DNAH7: variants seen among roughly 807,000 people sequenced by gnomAD.
DNAH7 encodes the protein axonemal beta dynein heavy chain 7.
Under a neutral mutation model 444.6 loss-of-function variants are expected in DNAH7, and 397 were observed. The observed-to-expected ratio is 0.89, with a 90% confidence interval of 0.82 to 0.97. DNAH7 has a LOEUF of 0.97. Ranked by LOEUF, DNAH7 falls within the 50% of genes least tolerant of loss-of-function variation. The pLI is 0.00. For synonymous variants in DNAH7, 1,636 were observed against 1,624.4 expected, an observed-to-expected ratio of 1.01 and a Z score of -0.17; for missense variants, 4,902 against 4,800.8, an observed-to-expected ratio of 1.02 and a Z score of -0.62.
Position 195,884,655 on chromosome 2 carries a change from G to A in DNAH7, c.5693C>T (p.Thr1898Ile). The A allele has an allele frequency of 1.2e-6, 2 of 1,614,144 alleles. No homozygotes were observed. The highest frequency in any genetic ancestry group is 1.7e-6 in the Non-Finnish European group (2 of 1,180,000). Residue 1898 changes from threonine (T) to isoleucine (I), a missense_variant, in exon 35 of 65, where the codon ACA becomes ATA. Coordinates refer to ENST00000312428, the MANE Select transcript of DNAH7 (RefSeq NM_018897.3). ...TGGGACAGTTAGTGCCTTTGAGGAT[G>A]TTTGCTCAGTACCACTCTGTAATTT... Reference protein sequence around the residue: ...TFKLQSGTEQTSSKALTVPFP... With the variant: ...TFKLQSGTEQISSKALTVPFP...
intron 47 of DNAH7, among the ~76,000 whole-genome samples, chr2:195,837,687 C>T (rs1698448782): frequency 6.6e-6 from 1 of 151,966 alleles, no homozygotes; most frequent in Non-Finnish European, 1.5e-5. Flanking sequence ...TCCTTTATCT[C>T]TACCCCAAGG....
At chr2:195,971,323 A>G (rs939781215) in intron 16 of DNAH7, among the ~76,000 whole-genome samples, 2 of 152,198 alleles carry the variant, frequency 1.3e-5, no homozygotes, top group African/African-American at 4.8e-5. Flanking sequence ...GTAGCTATGG[A>G]ATGCTCACAG....
chr2:196,005,778 T>C (rs1694338281), intron 10 of DNAH7, among the ~76,000 whole-genome samples: 1 of 152,142 alleles, frequency 6.6e-6, no homozygotes, highest in South Asian at 2.1e-4. Flanking sequence ...CTGGTAGTTC[T>C]AACAAGAATT....
chr2:195,940,965 G>A (rs562715439), intron 19 of DNAH7, among the ~76,000 whole-genome samples: 1 of 152,242 alleles, frequency 6.6e-6, no homozygotes, highest in East Asian at 1.9e-4. Flanking sequence ...ACAGTGTGGC[G>A]ATTCCTCAAA....
At chr2:195,887,183 C>T (rs1574669175) in intron 33 of DNAH7, among the ~76,000 whole-genome samples, 1 of 148,120 alleles carries the variant, frequency 6.8e-6, no homozygotes, top group East Asian at 1.9e-4. Flanking sequence ...AAGTGTCATG[C>T]TTTCCTATAG....
intron 19 of DNAH7, among the ~76,000 whole-genome samples, chr2:195,953,843 A>C (rs1369045914): frequency 1.3e-5 from 2 of 152,210 alleles, no homozygotes; most frequent in Non-Finnish European, 2.9e-5. Context: ...CAATAACCTG[A>C]TGTACCAAGC....
chr2:195,822,447 C>A (rs534812836), intron 49 of DNAH7, among the ~76,000 whole-genome samples: 2 of 152,172 alleles, frequency 1.3e-5, no homozygotes, highest in South Asian at 4.2e-4. Context: ...TTCATTTAGA[C>A]TCAAAAGGAT....
At chr2:195,765,581 T>C (rs1694533449) in intron 61 of DNAH7, among the ~76,000 whole-genome samples, 1 of 152,158 alleles carries the variant, frequency 6.6e-6, no homozygotes, top group African/African-American at 2.4e-5. Context: ...TGAATAGACA[T>C]TTCTCAAAAG....
chr2:195,835,814 A>G (rs977769783), intron 47 of DNAH7, among the ~76,000 whole-genome samples: 1 of 152,214 alleles, frequency 6.6e-6, no homozygotes, highest in Non-Finnish European at 1.5e-5. Flanking sequence ...ACAGCACTCC[A>G]GCCTGGCGGC....
chr2:195,891,575 T>G, intron 31 of DNAH7, 80 bp downstream of exon 31: 1 of 1,291,466 alleles, frequency 7.7e-7, no homozygotes, highest in Non-Finnish European at 1.0e-6. Context: ...AATTAGTTTG[T>G]TTGAAAAAAA....
chr2:196,039,288 A>C (rs1696581026), intron 5 of DNAH7, among the ~76,000 whole-genome samples: 1 of 152,234 alleles, frequency 6.6e-6, no homozygotes, highest in Non-Finnish European at 1.5e-5. Context: ...ATGGAAATAA[A>C]AAATTTCTTG....
At chr2:195,868,239 G>A (rs924167594) in intron 40 of DNAH7, among the ~76,000 whole-genome samples, 3 of 151,616 alleles carry the variant, frequency 2.0e-5, no homozygotes, top group Non-Finnish European at 4.4e-5. Context: ...TGGGACTACA[G>A]GTGCCCGCCA....
At chr2:195,842,277 C>G (rs564640050) in intron 47 of DNAH7, among the ~76,000 whole-genome samples, 8 of 152,118 alleles carry the variant, frequency 5.3e-5, no homozygotes, top group African/African-American at 1.9e-4. Context: ...TAGGAGTCAA[C>G]AGCCCCAAAA....
intron 17 of DNAH7, among the ~76,000 whole-genome samples, chr2:195,965,760 C>T (rs192177173): frequency 1.3e-5 from 2 of 152,180 alleles, no homozygotes; most frequent in Non-Finnish European, 2.9e-5. Context: ...CATACAGTTG[C>T]TCACAGTAGC....
intron 53 of DNAH7, among the ~76,000 whole-genome samples, chr2:195,807,830 T>C (rs1696783470): frequency 6.6e-6 from 1 of 152,218 alleles, no homozygotes; most frequent in South Asian, 2.1e-4. Flanking sequence ...TCACAACACA[T>C]ACTTGTCTCT....
At chr2:195,882,219 T>C (rs1473517466) in intron 35 of DNAH7, among the ~76,000 whole-genome samples, 2 of 152,250 alleles carry the variant, frequency 1.3e-5, no homozygotes, top group Non-Finnish European at 2.9e-5. Flanking sequence ...CTGTGGTTTT[T>C]TGATGCTCTG....
chr2:195,745,389 T>C (rs1206300517), intron 63 of DNAH7, among the ~76,000 whole-genome samples: 1 of 152,182 alleles, frequency 6.6e-6, no homozygotes, highest in East Asian at 1.9e-4. Context: ...TTGGTGTACC[T>C]GAAAGTGACG....
At chr2:195,921,394 C>CA in intron 24 of DNAH7, among the ~76,000 whole-genome samples, 1 of 147,256 alleles carries the variant, frequency 6.8e-6, no homozygotes, top group Non-Finnish European at 1.5e-5. Flanking sequence ...CACACACACA[C>CA]CATGGAATAC....
In DNAH7 at chr2:195,737,896, G is replaced by A. The variant is rs779212411; in HGVS notation, c.*25C>T. The A allele has an allele frequency of 2.0e-6, 3 of 1,497,502 alleles. No individual in the cohort carries two copies. In the South Asian group the frequency reaches 3.5e-5, roughly 18 times the overall value. The allele number at this position is 1,497,502 out of a possible 1,614,324, so 92.8% of individuals were successfully genotyped here. ...CTACTCAGCCAGCCAACAAGAAATA[G>A]GAACAAGGAAATGATGTCTTCTGGT... On this transcript the variant is annotated 3_prime_UTR_variant, in exon 65 of 65. Transcript: ENST00000312428.
Sources: allele counts gnomAD v4.1 joint callset (sites outside exome capture counted in the v4.1 genomes callset), GRCh38; gene constraint gnomAD v4.1.1; transcripts MANE v1.5; gene names NCBI Gene and HGNC (gene_info 2026-07-23, HGNC 2026-07-21).